Variants in PTPRD observed in about 807,000 individuals in gnomAD.
PTPRD encodes the protein protein tyrosine phosphatase receptor type D, also known as receptor-type tyrosine-protein phosphatase delta.
Under a neutral mutation model 214.5 loss-of-function variants are expected in PTPRD, and 34 were observed. The observed-to-expected ratio is 0.16, with a 90% CI of 0.12 to 0.21. PTPRD has a LOEUF of 0.21. Ranked by LOEUF, PTPRD falls within the 10% of genes least tolerant of loss-of-function variation. The pLI, the probability that PTPRD is intolerant of heterozygous loss-of-function variation, is 1.00. For synonymous variants in PTPRD, 1,128 were observed against 845.7 expected, an observed-to-expected ratio of 1.33 and a Z score of -5.79; for missense variants, 2,545 against 2,398.7, an observed-to-expected ratio of 1.06 and a Z score of -1.27.
At chr9:10,267,190 C>CAAAAAAAAAAAAAAA (rs530164049) in intron 3 of PTPRD, among the ~76,000 whole-genome samples, 1 of 76,036 alleles carries the variant, frequency 1.3e-5, no homozygotes. Flanking sequence ...GACTCCGTCT[C>CAAAAAAAAAAAAAAA]AAAAAAAAAA....
At chr9:9,403,194 G>A (rs138329480) in intron 8 of PTPRD, among the ~76,000 whole-genome samples, 1 of 146,518 alleles carries the variant, frequency 6.8e-6, no homozygotes, top group South Asian at 2.2e-4. Flanking sequence ...GGGTGGCTGA[G>A]GCAGGAGAAT....
rs1206511478 is a variant in PTPRD, at chr9:8,517,594, C to A, written c.1543+254G>T. On this transcript the variant is annotated intron_variant, in intron 21 of 45. Transcript: ENST00000381196. ...ATGGGGGAGACATTGTTCTATCTCA[C>A]ATAGAGAAGTCTTCAAGTCATTCCC... Among the ~76,000 whole-genome samples, 5 of 152,210 alleles carry A rather than the reference C, an allele frequency of 3.3e-5. No individual in the cohort carries two copies. The East Asian group carries it at 9.6e-4, about 29-fold the overall frequency.
chr9:9,807,120 C>G (rs2045703480), intron 5 of PTPRD, among the ~76,000 whole-genome samples: 1 of 152,140 alleles, frequency 6.6e-6, no homozygotes, highest in Admixed American at 6.5e-5. Flanking sequence ...AATAAACTTT[C>G]ACTCCCGCTG....
At chr9:8,486,441 T>A (rs749386006) in intron 27 of PTPRD, 92 bp from the exon 28 acceptor site, 12 of 1,107,988 alleles carry the variant, frequency 1.1e-5, no homozygotes, top group Non-Finnish European at 1.7e-5. Flanking sequence ...TCTACTGGTA[T>A]TCCCATTTTC....
intron 3 of PTPRD, among the ~76,000 whole-genome samples, chr9:10,315,187 G>A (rs1262331794): frequency 6.6e-6 from 1 of 151,836 alleles, no homozygotes; most frequent in Non-Finnish European, 1.5e-5. Flanking sequence ...TATTATGCTT[G>A]TGTCACTTTT....
intron 6 of PTPRD, among the ~76,000 whole-genome samples, chr9:9,757,505 CA>C (rs2154472849): frequency 6.6e-6 from 1 of 152,202 alleles, no homozygotes; most frequent in South Asian, 2.1e-4. Context: ...ATAGGGAAGA[CA>C]ACGATTTCAG....
intron 39 of PTPRD, among the ~76,000 whole-genome samples, chr9:8,369,327 G>A (rs531500366): frequency 1.3e-5 from 2 of 151,988 alleles, no homozygotes; most frequent in South Asian, 2.1e-4. Flanking sequence ...TCACTATTGG[G>A]TTGGGCTTAG....
intron 3 of PTPRD, among the ~76,000 whole-genome samples, chr9:10,042,617 T>C (rs1264324632): frequency 6.6e-6 from 1 of 151,770 alleles, no homozygotes; most frequent in Non-Finnish European, 1.5e-5. Context: ...GTGAAGAAAC[T>C]GACAGAGATG....
chr9:9,276,528 G>A (rs1257739946), intron 9 of PTPRD, among the ~76,000 whole-genome samples: 1 of 151,274 alleles, frequency 6.6e-6, no homozygotes, highest in East Asian at 2.0e-4. Context: ...GCAGCATGCA[G>A]TCCAACAACT....
chr9:9,570,944 A>C (rs906937505), intron 8 of PTPRD, among the ~76,000 whole-genome samples: 1 of 151,482 alleles, frequency 6.6e-6, no homozygotes, highest in Non-Finnish European at 1.5e-5. Context: ...TATTATGAAG[A>C]ACTGAAACAC....
At chr9:10,499,409 T>C (rs1265825172) in intron 2 of PTPRD, among the ~76,000 whole-genome samples, 1 of 151,932 alleles carries the variant, frequency 6.6e-6, no homozygotes, top group Admixed American at 6.6e-5. Context: ...CCTGCCACCA[T>C]CTTTTTTGTA....
chr9:8,851,046 C>A (rs1247897150), intron 11 of PTPRD, among the ~76,000 whole-genome samples: 1 of 152,176 alleles, frequency 6.6e-6, no homozygotes, highest in African/African-American at 2.4e-5. Context: ...CAGTAAATTC[C>A]TTGCCTCCAT....
intron 36 of PTPRD, among the ~76,000 whole-genome samples, chr9:8,401,006 G>C (rs55949510): frequency 0.2 from 29,914 of 152,000 alleles, 6,421 homozygotes; most frequent in African/African-American, 0.54. Flanking sequence ...CTTTTGGTTT[G>C]TCCATTTTCT....
At chr9:8,431,584 G>C (rs957814352) in intron 35 of PTPRD, among the ~76,000 whole-genome samples, 4 of 152,090 alleles carry the variant, frequency 2.6e-5, no homozygotes, top group Non-Finnish European at 5.9e-5. Flanking sequence ...AAATATACTA[G>C]TCTATATGCT....
chr9:10,555,884 TAAA>T (rs771822585), intron 2 of PTPRD, among the ~76,000 whole-genome samples: 2 of 151,776 alleles, frequency 1.3e-5, no homozygotes, highest in Non-Finnish European at 2.9e-5. Flanking sequence ...GTGAATAAAA[TAAA>T]AAGGTCATGG....
At chr9:8,813,069 G>T (rs1466335454) in intron 11 of PTPRD, among the ~76,000 whole-genome samples, 3 of 152,196 alleles carry the variant, frequency 2.0e-5, no homozygotes, top group Non-Finnish European at 4.4e-5. Flanking sequence ...ATGGCAGGAA[G>T]GTCATGCCTG....
intron 11 of PTPRD, among the ~76,000 whole-genome samples, chr9:8,913,964 A>C (rs903442736): frequency 2.6e-5 from 4 of 152,144 alleles, no homozygotes; most frequent in African/African-American, 4.8e-5. Flanking sequence ...CTGCCAATGC[A>C]ATGGTGAGTG....
At chr9:9,835,756 A>G (rs1349487442) in intron 5 of PTPRD, among the ~76,000 whole-genome samples, 1 of 152,100 alleles carries the variant, frequency 6.6e-6, no homozygotes, top group Admixed American at 6.6e-5. Context: ...ACTCCATCAT[A>G]ACACAGGAGT....
Position 10,271,546 on chromosome 9 carries a change from TTTC to T in PTPRD, c.-545+69414_-545+69416del, listed in dbSNP as rs772724119. On this transcript the variant is annotated intron_variant, in intron 3 of 45. Transcript: ENST00000381196. ...AATTCAATTGTTTCTTTTCTTTTCTTTTCTTTTTTTTTTTGAGACGGAATCTTG... is the reference window on the plus strand; with the variant it reads ...AATTCAATTGTTTCTTTTCTTTTCTTTTTTTTTTTTTGAGACGGAATCTTG... Among the ~76,000 whole-genome samples the T allele has an allele frequency of 1.3e-3, 193 of 145,090 alleles. 6 individuals are homozygous for T. The highest frequency in any genetic ancestry group is 2.3e-3 in the South Asian group (10 of 4,368).
Sources: gnomAD v4.1 joint callset for allele counts (sites outside exome capture counted in the v4.1 genomes callset) on GRCh38, gnomAD v4.1.1 for gene constraint, MANE v1.5 for transcripts, NCBI Gene and HGNC (gene_info 2026-07-23, HGNC 2026-07-21) for gene names.